The following KCNIP4 variants were observed in gnomAD, a reference collection of about 807,000 sequenced individuals.
KCNIP4 encodes potassium voltage-gated channel interacting protein 4, also known as Kv channel-interacting protein 4.
In KCNIP4, 12 loss-of-function variants were observed where a neutral mutation model predicts 34.0. The observed-to-expected ratio is 0.35, with a 90% CI of 0.23 to 0.57. KCNIP4 has a LOEUF of 0.57. Among genes scored for constraint, KCNIP4 ranks in the 20% least tolerant of loss-of-function variants. The pLI is 0.83. For missense variants in KCNIP4, 238 were observed against 311.7 expected, an observed-to-expected ratio of 0.76 and a Z score of 1.78; for synonymous variants, 124 against 102.2, an observed-to-expected ratio of 1.21 and a Z score of -1.29.
In KCNIP4 at chr4:21,427,620, C is replaced by T. The variant is rs537132900; in HGVS notation, c.61+520951G>A. 5.3e-5 allele frequency among the ~76,000 whole-genome samples: 8 copies of T among 152,248 alleles called. No individual in the cohort carries two copies. In the East Asian group the frequency reaches 9.7e-4, roughly 18 times the overall value. On this transcript the variant is annotated intron_variant, in intron 1 of 8. Transcript: ENST00000382152. The stretch of plus-strand genomic sequence containing the variant: ...AGGGACTGACTGAGAAGCAATGGTG[C>T]TCAATTATGAGGTTCAGATAAATCA...
At chr4:20,969,346 T>C (rs1383074776) in intron 1 of KCNIP4, among the ~76,000 whole-genome samples, 1 of 152,182 alleles carries the variant, frequency 6.6e-6, no homozygotes, top group South Asian at 2.1e-4. Flanking sequence ...CCATTAGCAT[T>C]CCAGCCCTAA....
chr4:21,038,740 AT>A (rs1217869031), intron 1 of KCNIP4, among the ~76,000 whole-genome samples: 11 of 152,226 alleles, frequency 7.2e-5, no homozygotes, highest in African/African-American at 2.7e-4. Flanking sequence ...AATTCCAAGT[AT>A]TTTACAAATA....
At chr4:21,893,813 T>C (rs1182436574) in intron 1 of KCNIP4, among the ~76,000 whole-genome samples, 2 of 152,166 alleles carry the variant, frequency 1.3e-5, no homozygotes, top group Non-Finnish European at 1.5e-5. Context: ...AGTTGCATGG[T>C]ATTTTTATTG....
intron 1 of KCNIP4, among the ~76,000 whole-genome samples, chr4:21,406,393 T>A (rs1354701014): frequency 6.6e-6 from 1 of 152,250 alleles, no homozygotes; most frequent in East Asian, 1.9e-4. Context: ...ATTTTCTAAC[T>A]GCTAGCATTG....
At chr4:20,877,402 T>C (rs1724171882) in intron 2 of KCNIP4, among the ~76,000 whole-genome samples, 1 of 152,188 alleles carries the variant, frequency 6.6e-6, no homozygotes, top group South Asian at 2.1e-4. Flanking sequence ...TATTTAAATA[T>C]GCCTTTTTTT....
chr4:20,911,729 G>A (rs1309715944), intron 1 of KCNIP4, among the ~76,000 whole-genome samples: 3 of 152,000 alleles, frequency 2.0e-5, no homozygotes, highest in African/African-American at 7.2e-5. Context: ...TTCACTCATT[G>A]GATTCACACT....
chr4:21,879,179 A>T (rs28633789), intron 1 of KCNIP4, among the ~76,000 whole-genome samples: 47,631 of 151,780 alleles, frequency 0.31, 7,814 homozygotes, highest in African/African-American at 0.42. Context: ...TCCGCTTTTT[A>T]AAAAAATTGC....
intron 1 of KCNIP4, among the ~76,000 whole-genome samples, chr4:21,557,452 T>C (rs1024536191): frequency 3.9e-5 from 6 of 152,198 alleles, no homozygotes; most frequent in African/African-American, 1.4e-4. Context: ...TGGTCCTGTA[T>C]ATGGATGAAC....
At chr4:21,608,990 C>T (rs936794333) in intron 1 of KCNIP4, 1 of 152,094 alleles carries the variant, frequency 6.6e-6, no homozygotes, top group African/African-American at 2.4e-5. Flanking sequence ...TCATCACTGA[C>T]CAGCCAAAGG....
At chr4:20,802,773 G>T (rs1714496113) in intron 3 of KCNIP4, among the ~76,000 whole-genome samples, 1 of 152,126 alleles carries the variant, frequency 6.6e-6, no homozygotes, top group Non-Finnish European at 1.5e-5. Context: ...AATCAAAAGA[G>T]AAATTTTAAA....
At chr4:21,593,119 T>TTTGTGTGTG (rs1560543855) in intron 1 of KCNIP4, among the ~76,000 whole-genome samples, 2,431 of 134,922 alleles carry the variant, frequency 0.018, 49 homozygotes, top group African/African-American at 0.049. Context: ...GTGTGTGTGT[T>TTTGTGTGTG]TGTGTGTGTG....
intron 1 of KCNIP4, among the ~76,000 whole-genome samples, chr4:21,327,721 C>T (rs955730486): frequency 6.6e-6 from 1 of 151,818 alleles, no homozygotes; most frequent in African/African-American, 2.4e-5. Flanking sequence ...ACGTAGGCAT[C>T]CTTTGTTCTT....
At chr4:21,882,537 G>T (rs979519272) in intron 1 of KCNIP4, among the ~76,000 whole-genome samples, 2 of 152,128 alleles carry the variant, frequency 1.3e-5, no homozygotes, top group African/African-American at 4.8e-5. Flanking sequence ...AATTTCTGGA[G>T]TTGGGACACG....
At chr4:21,808,343 C>G (rs962882904) in intron 1 of KCNIP4, among the ~76,000 whole-genome samples, 2 of 152,120 alleles carry the variant, frequency 1.3e-5, no homozygotes. Flanking sequence ...TCTCTTCTTC[C>G]TCCTCCTCAG....
At chr4:21,651,711 A>C (rs1324808919) in intron 1 of KCNIP4, among the ~76,000 whole-genome samples, 1 of 152,158 alleles carries the variant, frequency 6.6e-6, no homozygotes, top group Non-Finnish European at 1.5e-5. Context: ...ATAAATGAAA[A>C]CAGGATGTCC....
At chr4:21,605,285 T>G (rs1011754664) in intron 1 of KCNIP4, among the ~76,000 whole-genome samples, 7 of 152,140 alleles carry the variant, frequency 4.6e-5, no homozygotes, top group African/African-American at 1.7e-4. Flanking sequence ...ACAAACACTA[T>G]GGCACAAAGG....
intron 1 of KCNIP4, among the ~76,000 whole-genome samples, chr4:21,646,222 A>C (rs1019521456): frequency 1.3e-5 from 2 of 152,138 alleles, no homozygotes; most frequent in African/African-American, 2.4e-5. Context: ...TGTATAGTAG[A>C]TTCTATAATA....
intron 1 of KCNIP4, among the ~76,000 whole-genome samples, chr4:21,855,426 G>T (rs185603190): frequency 1.6e-4 from 24 of 152,286 alleles, no homozygotes; most frequent in African/African-American, 5.8e-4. Context: ...ATGTAGCAAT[G>T]GTACCAGCGC....
At chr4:20,913,943 G>C (rs917392413) in intron 1 of KCNIP4, among the ~76,000 whole-genome samples, 2 of 152,096 alleles carry the variant, frequency 1.3e-5, no homozygotes, top group African/African-American at 4.8e-5. Flanking sequence ...ATCACCTGAG[G>C]TCAGGAGTTC....
Sources: allele counts gnomAD v4.1 joint callset (sites outside exome capture counted in the v4.1 genomes callset), GRCh38; gene constraint gnomAD v4.1.1; transcripts MANE v1.5; gene names NCBI Gene and HGNC (gene_info 2026-07-23, HGNC 2026-07-21).